The following GCLM variants were observed in gnomAD, a reference collection of about 807,000 sequenced individuals.
The protein encoded by GCLM is glutamate--cysteine ligase regulatory subunit.
In GCLM, 15 loss-of-function variants were observed where a neutral mutation model predicts 36.0. That is an observed-to-expected ratio of 0.42 (90% CI 0.28 to 0.64). GCLM has a LOEUF of 0.64. Ranked by LOEUF, GCLM falls within the 30% of genes least tolerant of loss-of-function variation. GCLM has a pLI of 0.25. For synonymous variants in GCLM, 129 were observed against 122.8 expected, an observed-to-expected ratio of 1.05 and a Z score of -0.34; for missense variants, 242 against 325.5, an observed-to-expected ratio of 0.74 and a Z score of 1.97.
intron 6 of GCLM, among the ~76,000 whole-genome samples, chr1:93,890,879 ATT>A (rs111797625): frequency 1.5e-4 from 20 of 135,554 alleles, no homozygotes; most frequent in Admixed American, 1.5e-4. Context: ...TTTCTTTTCT[ATT>A]TTTTTTTTTT....
At chr1:93,908,428 T>C (rs1657226641) in intron 1 of GCLM, among the ~76,000 whole-genome samples, 1 of 152,236 alleles carries the variant, frequency 6.6e-6, no homozygotes, top group South Asian at 2.1e-4. Flanking sequence ...TACAATGATA[T>C]TGTTACATGC....
chr1:93,892,467 A>G (rs776756684), intron 6 of GCLM, among the ~76,000 whole-genome samples: 8 of 152,190 alleles, frequency 5.3e-5, no homozygotes, highest in Admixed American at 1.3e-4. Context: ...TGCTTTTAAA[A>G]TTTAATTATG....
intron 3 of GCLM, among the ~76,000 whole-genome samples, chr1:93,900,013 C>T (rs1656889394): frequency 6.6e-6 from 1 of 151,840 alleles, no homozygotes. Flanking sequence ...AAAGTGCTGA[C>T]ATTCGATATA....
intron 2 of GCLM, among the ~76,000 whole-genome samples, chr1:93,902,369 AG>A (rs1334946179): frequency 6.6e-6 from 1 of 151,656 alleles, no homozygotes; most frequent in East Asian, 1.9e-4. Flanking sequence ...TAGTAGAGAC[AG>A]GGTTTCACCG....
chr1:93,889,244 A>G, intron 6 of GCLM, 85 bp from the exon 7 acceptor site: 4 of 819,280 alleles, frequency 4.9e-6, no homozygotes, highest in Non-Finnish European at 5.4e-6. Flanking sequence ...AGCATTTAAC[A>G]TAACAAAAGA....
chr1:93,888,935 C>T lies in GCLM; in HGVS notation c.*55G>A. On this transcript the variant is annotated 3_prime_UTR_variant, in exon 7 of 7. Coordinates refer to ENST00000370238, the MANE Select transcript of GCLM (RefSeq NM_002061.4). ...AGGCAGTAACTAGATTTTTACACAT[C>T]TCAATTTTCTCTCATATTGAAGGAA... The T allele has an allele frequency of 8.1e-7, 1 of 1,236,328 alleles. No homozygotes were observed. The highest frequency in any genetic ancestry group is 1.1e-6 in the Non-Finnish European group (1 of 893,348). The allele number at this position is 1,236,328 out of a possible 1,614,324, so 76.6% of individuals were successfully genotyped here.
Position 93,888,755 on chromosome 1 carries a change from T to A in GCLM, c.*235A>T, listed in dbSNP as rs907560677. The A allele has an allele frequency of 3.4e-5, 11 of 324,464 alleles. No individual in the cohort carries two copies. The highest frequency in any genetic ancestry group is 5.0e-5 in the Non-Finnish European group (9 of 180,786). 20.1% of individuals were successfully genotyped at this position (324,464 alleles called of 1,614,324 possible). On this transcript the variant is annotated 3_prime_UTR_variant, in exon 7 of 7. Transcript: ENST00000370238. The stretch of plus-strand genomic sequence containing the variant: ...AAATATATTGCAAGTATTTTCTTTA[T>A]AGACAATTTCAATTAGAAAACAATA...
Position 93,885,283 on chromosome 1 carries a change from G to C in GCLM, c.*3707C>G, listed in dbSNP as rs896012357. The C allele has an allele frequency of 1.3e-5, 2 of 152,030 alleles. No individual in the cohort carries two copies. Among genetic ancestry groups the C allele is most frequent in the East Asian group, 1.9e-4 (1 of 5,192 alleles). The allele number at this position is 152,030 out of a possible 1,614,324, so 9.4% of individuals were successfully genotyped here. A position where few individuals can be genotyped will look rare whatever the true frequency, so the allele number is the denominator to read the frequency against. On this transcript the variant is annotated 3_prime_UTR_variant, in exon 7 of 7. Transcript: ENST00000370238. Reference sequence around the variant, plus strand: ...GTTCAAAAATCAATATAATGCTTCAGGATGCTTCCAGCTATTGAAACAACC... The same window carrying C: ...GTTCAAAAATCAATATAATGCTTCACGATGCTTCCAGCTATTGAAACAACC...
intron 5 of GCLM, among the ~76,000 whole-genome samples, chr1:93,895,746 C>CGCTA (rs1039687324): frequency 6.6e-6 from 1 of 152,060 alleles, no homozygotes; most frequent in African/African-American, 2.4e-5. Context: ...AAAGGTAAAA[C>CGCTA]GCTAGTAAGT....
At chr1:93,898,324 A>AAAAAAAAAAAAAAAAAAAC (rs1656812730) in intron 3 of GCLM, among the ~76,000 whole-genome samples, 1 of 148,288 alleles carries the variant, frequency 6.7e-6, no homozygotes, top group African/African-American at 2.5e-5. Context: ...AAAAAAAAAA[A>AAAAAAAAAAAAAAAAAAAC]AAAAAGGCCA....
At chr1:93,901,258 G>A (rs1401677063) in intron 3 of GCLM, among the ~76,000 whole-genome samples, 1 of 151,994 alleles carries the variant, frequency 6.6e-6, no homozygotes, top group African/African-American at 2.4e-5. Flanking sequence ...GCTTGCTTTG[G>A]GTGGATGCTG....
Position 93,909,115 on chromosome 1 carries a change from T to A in GCLM, c.49A>T (p.Thr17Ser), listed in dbSNP as rs532594815. Residue 17 changes from threonine to serine, a missense_variant, in exon 1 of 7, where the codon ACC (threonine) becomes TCC (serine). By Grantham distance (58) the Thr-to-Ser change is moderately conservative. Coordinates refer to ENST00000370238, the MANE Select transcript of GCLM (RefSeq NM_002061.4). ...AGGTTCCCCGTCTGCAGGTGCAGGG[T>A]GCGGGCCCGCGCCAGGAGCGCCTTG... is the stretch of plus-strand genomic sequence containing the variant. ...AAKALLARAR[T>S]LHLQTGNLLN... 50 of 1,438,012 alleles carry A rather than the reference T, an allele frequency of 3.5e-5. No individual in the cohort carries two copies. In the African/African-American group the frequency reaches 6.3e-4, roughly 18 times the overall value. 89.1% of individuals were successfully genotyped at this position (1,438,012 alleles called of 1,614,324 possible).
At chr1:93,896,480 G>A in intron 5 of GCLM, 138 bp downstream of exon 5, 1 of 685,810 alleles carries the variant, frequency 1.5e-6, no homozygotes, top group Non-Finnish European at 2.6e-6. Flanking sequence ...AACTCCTGCA[G>A]AAACAAAACA....
Position 93,897,850 on chromosome 1 carries a change from G to T in GCLM, c.326C>A (p.Ala109Glu). 6.5e-7 allele frequency: 1 copy of T among 1,548,646 alleles called. No individual in the cohort carries two copies. Among genetic ancestry groups the T allele is most frequent in the Non-Finnish European group, 8.7e-7 (1 of 1,152,346 alleles). ...CAGTTTTTGCTTACCCATGTCAACTGCACTTCTAGTTGATGATGAAGAGTT... is the reference window on the plus strand; with the variant it reads ...CAGTTTTTGCTTACCCATGTCAACTTCACTTCTAGTTGATGATGAAGAGTT... Reference protein sequence around the residue: ...ESNSSSSTRSAVDMACSVLGV... With the variant: ...ESNSSSSTRSEVDMACSVLGV... Residue 109 changes from alanine (A) to glutamate (E), a missense_variant, in exon 4 of 7, where the codon GCA becomes GAA. Physicochemically the swap from Ala to Glu is moderately radical, Grantham distance 107. Coordinates refer to ENST00000370238, the MANE Select transcript of GCLM (RefSeq NM_002061.4).
intron 5 of GCLM, among the ~76,000 whole-genome samples, chr1:93,895,967 T>TTC (rs1226178298): frequency 6.7e-6 from 1 of 148,624 alleles, no homozygotes; most frequent in East Asian, 1.9e-4. Context: ...TTCTTTCTTT[T>TTC]TTTTTTTTTT....
intron 6 of GCLM, among the ~76,000 whole-genome samples, chr1:93,891,385 A>G (rs1179352635): frequency 6.6e-6 from 1 of 152,058 alleles, no homozygotes; most frequent in Non-Finnish European, 1.5e-5. Context: ...AGATATTCAC[A>G]TGGCTCACTC....
intron 1 of GCLM, 38 bp downstream of exon 1, chr1:93,909,000 T>TG (rs781244231): frequency 3.3e-5 from 46 of 1,412,954 alleles, no homozygotes; most frequent in Non-Finnish European, 4.2e-5. Context: ...GCCCGAGGCC[T>TG]GCCCCGGGAG....
At position 93,909,291 on chromosome 1, in the gene GCLM, C is replaced by CCGCGCGG. The variant is rs1657273357; in HGVS notation, c.-135_-129dup. The stretch of plus-strand genomic sequence containing the variant: ...GAGAGGGAGCGCGAGGCTGCCGGCG[C>CCGCGCGG]CGCGCGGCTGGAGCCTGGTCTGCGC... On this transcript the variant is annotated 5_prime_UTR_variant, in exon 1 of 7. Coordinates refer to ENST00000370238, the MANE Select transcript of GCLM (RefSeq NM_002061.4). 2.9e-6 allele frequency: 3 copies of CCGCGCGG among 1,049,826 alleles called. No homozygotes were observed. In the African/African-American group the frequency reaches 5.1e-5, roughly 18 times the overall value. 65.0% of individuals were successfully genotyped at this position (1,049,826 alleles called of 1,614,324 possible).
At chr1:93,899,482 A>G (rs1656865205) in intron 3 of GCLM, among the ~76,000 whole-genome samples, 1 of 152,238 alleles carries the variant, frequency 6.6e-6, no homozygotes, top group South Asian at 2.1e-4. Context: ...TAAATGTTCC[A>G]GTACTAGTTC....
Sources: allele counts gnomAD v4.1 joint callset (sites outside exome capture counted in the v4.1 genomes callset), GRCh38; gene constraint gnomAD v4.1.1; transcripts MANE v1.5; gene names NCBI Gene and HGNC (gene_info 2026-07-23, HGNC 2026-07-21).